The following CMBL variants were observed in gnomAD, a reference collection of about 807,000 sequenced individuals.
CMBL encodes carboxymethylenebutenolidase homolog (Pseudomonas).
In CMBL, 17 loss-of-function variants were observed where a neutral mutation model predicts 28.7. The ratio of observed to expected loss-of-function variants is 0.59; its 90% CI spans 0.41 to 0.89. The LOEUF (loss-of-function observed/expected upper bound fraction) is 0.89. Among genes scored for constraint, CMBL ranks in the 40% least tolerant of loss-of-function variants. The pLI is 0.00. For synonymous variants in CMBL, 106 were observed against 101.6 expected (o/e 1.04, Z -0.26); for missense variants, 310 against 298.5 (o/e 1.04, Z -0.28).
chr5:10,283,719 G>A (rs1746545921), intron 4 of CMBL, among the ~76,000 whole-genome samples: 1 of 152,118 alleles, frequency 6.6e-6, no homozygotes, highest in South Asian at 2.1e-4. Flanking sequence ...AGCCAAGATC[G>A]TGCCACTGCA....
At chr5:10,285,686 T>C (rs6864407) in intron 4 of CMBL, among the ~76,000 whole-genome samples, 171 of 79,050 alleles carry the variant, frequency 2.2e-3, no homozygotes, top group African/African-American at 3.6e-3. Context: ...CTTTCTTTCT[T>C]TCTCTTTCTT....
chr5:10,304,693 C>T lies in CMBL; in HGVS notation c.-20+2932G>A, dbSNP rs182318625. ...TTTGGCCAAACGCAGTGGCTCACAC[C>T]TGTAATCCCAGCACTTTGGGAAGCT... is the stretch of plus-strand genomic sequence containing the variant. On this transcript the variant is annotated intron_variant, in intron 1 of 5. Coordinates refer to ENST00000296658, the MANE Select transcript of CMBL (RefSeq NM_138809.4). Among the ~76,000 whole-genome samples, 146 of 152,290 alleles carry T rather than the reference C, an allele frequency of 9.6e-4. 1 individual carries two copies. The highest frequency in any genetic ancestry group is 3.2e-3 in the African/African-American group (132 of 41,580).
intron 1 of CMBL, among the ~76,000 whole-genome samples, chr5:10,305,234 C>T (rs1338517902): frequency 2.0e-5 from 3 of 149,302 alleles, no homozygotes; most frequent in South Asian, 4.2e-4. Flanking sequence ...CCATGTTCGT[C>T]GGCAATGCCC....
At position 10,290,585 on chromosome 5, in the gene CMBL, T is replaced by C; in HGVS notation, c.178A>G (p.Arg60Gly). 2 of 1,614,140 alleles carry C rather than the reference T, an allele frequency of 1.2e-6. No homozygotes were observed. Among genetic ancestry groups the C allele is most frequent in the Non-Finnish European group, 1.7e-6 (2 of 1,179,966 alleles). ...DIFGWQLPNT[R>G]YIADMISGNG... ...CCTGAGATCATGTCAGCTATATATC[T>C]GGTATTGGGCAACTGCCAGCCAAAT... Residue 60 changes from arginine to glycine, a missense_variant, in exon 2 of 6, where the codon AGA becomes GGA. By Grantham distance (125) the Arg-to-Gly change is moderately radical. Transcript: ENST00000296658.
rs887202843 is a variant in CMBL at position 10,290,396 on chromosome 5, C to T, written c.215+152G>A. ...GGTGTTTAATTTCCCAAGACATTTCCCATCTATCTTCACGGCAGTGAGATA... is the reference window on the plus strand; with the variant it reads ...GGTGTTTAATTTCCCAAGACATTTCTCATCTATCTTCACGGCAGTGAGATA... On this transcript the variant is annotated intron_variant, in intron 2 of 5. Transcript: ENST00000296658. The T allele has an allele frequency of 1.2e-5, 8 of 658,386 alleles. No individual in the cohort carries two copies. In the African/African-American group the frequency reaches 1.3e-4, roughly 10 times the overall value. The allele number at this position is 658,386 out of a possible 1,614,324, so 40.8% of individuals were successfully genotyped here.
Position 10,290,657 on chromosome 5 carries a change from T to C in CMBL, c.106A>G (p.Lys36Glu). 6.2e-7 allele frequency: 1 copy of C among 1,614,230 alleles called. No individual in the cohort carries two copies. The highest frequency in any genetic ancestry group is 8.5e-7 in the Non-Finnish European group (1 of 1,180,040). The part of the protein sequence containing the change: ...QVEHIKAYVT[K>E]SPVDAGKAVI... Reference sequence around the variant, plus strand: ...GCTTTGCCTGCATCAACGGGGGATTTGGTGACATAAGCCTTGATGTGCTCG... The same window carrying C: ...GCTTTGCCTGCATCAACGGGGGATTCGGTGACATAAGCCTTGATGTGCTCG... Residue 36 changes from lysine to glutamate, a missense_variant, in exon 2 of 6, where the codon AAA (lysine) becomes GAA (glutamate). By Grantham distance (56) the Lys-to-Glu change is moderately conservative (BLOSUM62 1). Coordinates refer to ENST00000296658, the MANE Select transcript of CMBL (RefSeq NM_138809.4).
Position 10,288,455 on chromosome 5 carries a change from C to A in CMBL, c.290G>T (p.Trp97Leu). 1 of 1,614,040 alleles carries A rather than the reference C, an allele frequency of 6.2e-7. No individual in the cohort carries two copies. Residue 97 changes from tryptophan (W) to leucine (L), a missense_variant, in exon 3 of 6, where the codon TGG (tryptophan) becomes TTG (leucine). Trp to Leu is a moderately conservative substitution (Grantham distance 61). Coordinates refer to ENST00000296658, the MANE Select transcript of CMBL (RefSeq NM_138809.4). ...CTTCTGGGCATTTCTTGTTTTCAGC[C>A]ACTCAGGGAAGATAGACCAGTCGCC... ...PSGDWSIFPE[W>L]LKTRNAQKID...
At chr5:10,302,113 G>C (rs1427376141) in intron 1 of CMBL, among the ~76,000 whole-genome samples, 2 of 152,130 alleles carry the variant, frequency 1.3e-5, no homozygotes, top group East Asian at 3.9e-4. Context: ...TTGTGCCAGG[G>C]GCCAAGTCCA....
intron 4 of CMBL, among the ~76,000 whole-genome samples, chr5:10,284,794 T>C (rs1746566937): frequency 6.6e-6 from 1 of 152,210 alleles, no homozygotes; most frequent in Non-Finnish European, 1.5e-5. Context: ...GCATTATTTT[T>C]AAAGGCTATA....
rs1426832550 is a variant in CMBL at position 10,280,224 on chromosome 5, G to A, written c.*229C>T. 2.7e-6 allele frequency: 1 copy of A among 377,302 alleles called. No homozygotes were observed. The highest frequency in any genetic ancestry group is 4.3e-5 in the East Asian group (1 of 23,436). The allele number at this position is 377,302 out of a possible 1,614,324, so 23.4% of individuals were successfully genotyped here. A position where few individuals can be genotyped will look rare whatever the true frequency, so the allele number is the denominator to read the frequency against. ...AAAGTGCTGGAATTACAGGCATGAG[G>A]CACTACACCTGGTCAGACCTTGTTT... On this transcript the variant is annotated 3_prime_UTR_variant, in exon 6 of 6. Coordinates refer to ENST00000296658, the MANE Select transcript of CMBL (RefSeq NM_138809.4).
chr5:10,295,541 A>C (rs1246934212), intron 1 of CMBL, among the ~76,000 whole-genome samples: 1 of 152,204 alleles, frequency 6.6e-6, no homozygotes, highest in Non-Finnish European at 1.5e-5. Flanking sequence ...TTCCAGTGGA[A>C]TGATATTTGG....
chr5:10,296,206 G>A (rs975419588), intron 1 of CMBL, among the ~76,000 whole-genome samples: 1 of 152,206 alleles, frequency 6.6e-6, no homozygotes, highest in Non-Finnish European at 1.5e-5. Flanking sequence ...TTCCCCAGGA[G>A]GAATGGTTTA....
intron 1 of CMBL, among the ~76,000 whole-genome samples, chr5:10,306,873 G>C (rs912473901): frequency 7.2e-5 from 11 of 152,130 alleles, no homozygotes; most frequent in Non-Finnish European, 2.9e-5. Context: ...GCTGTTCCTA[G>C]GCCTGGATAG....
In CMBL at chr5:10,278,894, G is replaced by A. The variant is rs1194472794; in HGVS notation, c.*1559C>T. ...AGGTTGGACACTCAGGAATCAGGCC[G>A]TCTGTGAGGTCAAAGAAGGATCCCA... On this transcript the variant is annotated 3_prime_UTR_variant, in exon 6 of 6. Transcript: ENST00000296658. Among the ~76,000 whole-genome samples, 2 of 152,058 alleles carry A rather than the reference G, an allele frequency of 1.3e-5. No homozygotes were observed. The highest frequency in any genetic ancestry group is 2.4e-5 in the African/African-American group (1 of 41,390).
At chr5:10,295,909 A>C (rs1561065160) in intron 1 of CMBL, among the ~76,000 whole-genome samples, 1 of 152,068 alleles carries the variant, frequency 6.6e-6, no homozygotes, top group Non-Finnish European at 1.5e-5. Flanking sequence ...TGAGGGGTTG[A>C]TTTTGCTGTT....
intron 4 of CMBL, among the ~76,000 whole-genome samples, chr5:10,285,700 C>CTTTT (rs34390937): frequency 8.2e-5 from 11 of 133,698 alleles, no homozygotes; most frequent in Non-Finnish European, 1.7e-4. Flanking sequence ...CTTTCTTTTT[C>CTTTT]TTTTTTTTTT....
chr5:10,306,890 C>T (rs559312788), intron 1 of CMBL, among the ~76,000 whole-genome samples: 1 of 152,262 alleles, frequency 6.6e-6, no homozygotes, highest in African/African-American at 2.4e-5. Context: ...ATAGGGTTCC[C>T]AGGCCTGGAC....
At chr5:10,306,849 C>G (rs1410288460) in intron 1 of CMBL, among the ~76,000 whole-genome samples, 2 of 152,230 alleles carry the variant, frequency 1.3e-5, no homozygotes, top group African/African-American at 4.8e-5. Flanking sequence ...CCTGCAGAAT[C>G]TGCTTTTTCT....
At chr5:10,288,275 T>G (rs888777651) in intron 3 of CMBL, 147 bp downstream of exon 3, 1 of 624,482 alleles carries the variant, frequency 1.6e-6, no homozygotes, top group African/African-American at 1.9e-5. Context: ...AAAAAAATTT[T>G]TTCTCCTTTG....
Sources: allele counts gnomAD v4.1 joint callset (sites outside exome capture counted in the v4.1 genomes callset), GRCh38; gene constraint gnomAD v4.1.1; transcripts MANE v1.5; gene names NCBI Gene and HGNC (gene_info 2026-07-23, HGNC 2026-07-21).